The following ZNF69 variants were observed in gnomAD, a reference collection of about 807,000 sequenced individuals.
ZNF69 encodes zinc finger protein 69.
ZNF69 carries 47 observed loss-of-function variants against 50.9 expected under a neutral mutation model. The observed-to-expected ratio is 0.92, with a 90% CI of 0.73 to 1.18. The LOEUF (loss-of-function observed/expected upper bound fraction) is 1.18, where lower values mean the gene tolerates loss of function less well. ZNF69 is among the 50% of genes most tolerant of loss of function. ZNF69 has a pLI of 0.00. For missense variants in ZNF69, 717 were observed against 675.1 expected, an observed-to-expected ratio of 1.06 and a Z score of -0.69; for synonymous variants, 216 against 223.1, an observed-to-expected ratio of 0.97 and a Z score of 0.29.
chr19:11,897,600 C>CG (rs796449692), intron 1 of ZNF69, among the ~76,000 whole-genome samples: 11 of 147,592 alleles, frequency 7.5e-5, no homozygotes, highest in African/African-American at 2.7e-4. Flanking sequence ...GAGTCAGGTG[C>CG]GGTAGCTCAC....
At chr19:11,957,186 G>A in the ZNF69 span, among the ~76,000 whole-genome samples, 6 of 151,618 alleles carry the variant, frequency 4.0e-5, no homozygotes, top group Non-Finnish European at 5.9e-5. Flanking sequence ...CCACCTCCCG[G>A]TTTCATGCCA....
At chr19:11,960,422 G>C in the ZNF69 span, among the ~76,000 whole-genome samples, 1 of 152,128 alleles carries the variant, frequency 6.6e-6, no homozygotes, top group African/African-American at 2.4e-5. Flanking sequence ...TCCTAGGCTT[G>C]AGCAATCCTC....
chr19:11,907,226 T>G (rs1972391899), downstream of ZNF69, among the ~76,000 whole-genome samples: 1 of 151,920 alleles, frequency 6.6e-6, no homozygotes, highest in Non-Finnish European at 1.5e-5. Flanking sequence ...GTGACAGGGA[T>G]GGAACCAAGT....
chr19:11,922,656 C>T, the ZNF69 span, among the ~76,000 whole-genome samples: 1 of 50,476 alleles, frequency 2.0e-5, no homozygotes, highest in East Asian at 5.7e-4. Context: ...TTTCCATTGA[C>T]TGCAAGGAGG....
the ZNF69 span, among the ~76,000 whole-genome samples, chr19:11,974,114 TTTCTTTCTTTCTTTTCTTTC>T: frequency 5.0e-3 from 429 of 84,972 alleles, 4 homozygotes; most frequent in African/African-American, 0.015. Context: ...TCTTTCTTTC[TTTCTTTCTTTCTTTTCTTTC>T]TTTCTTTCTT....
the ZNF69 span, among the ~76,000 whole-genome samples, chr19:11,921,301 C>T: frequency 2.0e-5 from 3 of 152,072 alleles, no homozygotes; most frequent in Admixed American, 2.0e-4. Flanking sequence ...TCCCAAGTAG[C>T]TGGGAATAAA....
At chr19:11,977,104 T>G in the ZNF69 span, 1 of 1,614,170 alleles carries the variant, frequency 6.2e-7, no homozygotes, top group Non-Finnish European at 8.5e-7. Flanking sequence ...GCTGGATATT[T>G]CGCAGAGGAA....
the ZNF69 span, among the ~76,000 whole-genome samples, chr19:11,958,349 T>G: frequency 6.6e-6 from 1 of 152,114 alleles, no homozygotes; most frequent in Non-Finnish European, 1.5e-5. Context: ...TGGCATCTGC[T>G]GAGTGGGGCT....
the ZNF69 span, among the ~76,000 whole-genome samples, chr19:11,940,484 A>C: frequency 2.0e-5 from 3 of 151,536 alleles, no homozygotes; most frequent in Admixed American, 2.0e-4. Context: ...AACAGCTCTT[A>C]AGGCAGCGCG....
At chr19:11,978,585 A>T in the ZNF69 span, 8 of 1,614,066 alleles carry the variant, frequency 5.0e-6, no homozygotes, top group African/African-American at 1.1e-4. Context: ...CCATGAAAGA[A>T]CTCACACTGG....
At chr19:11,900,775 C>G (rs279203) in intron 1 of ZNF69, among the ~76,000 whole-genome samples, 137,025 of 152,236 alleles carry the variant, frequency 0.9, 61,984 homozygotes, top group African/African-American at 0.97. Context: ...TCTGCTGCCT[C>G]TCTTTTTCTT....
At chr19:11,978,362 T>C in the ZNF69 span, 1 of 1,613,986 alleles carries the variant, frequency 6.2e-7, no homozygotes, top group Non-Finnish European at 8.5e-7. Context: ...CATATAAGTG[T>C]CAACAACCTA....
At chr19:11,933,671 T>C in the ZNF69 span, among the ~76,000 whole-genome samples, 1 of 147,964 alleles carries the variant, frequency 6.8e-6, no homozygotes, top group African/African-American at 2.7e-5. Flanking sequence ...AAAATATGCA[T>C]TGAAGGTCTC....
chr19:11,897,259 A>G (rs1972142586), intron 1 of ZNF69, among the ~76,000 whole-genome samples: 1 of 152,230 alleles, frequency 6.6e-6, no homozygotes, highest in South Asian at 2.1e-4. Context: ...AGGCAGGAGA[A>G]TCACTTGAAC....
chr19:11,889,576 T>C (rs1977031769), intron 1 of ZNF69, among the ~76,000 whole-genome samples: 1 of 152,188 alleles, frequency 6.6e-6, no homozygotes, highest in African/African-American at 2.4e-5. Context: ...AGCAATTCTC[T>C]AGCCTCAGCC....
the ZNF69 span, among the ~76,000 whole-genome samples, chr19:11,977,687 C>A: frequency 2.6e-5 from 4 of 152,138 alleles, no homozygotes; most frequent in African/African-American, 2.4e-5. Context: ...AATGAGACCA[C>A]AAATCAACAA....
the ZNF69 span, among the ~76,000 whole-genome samples, chr19:11,921,990 A>C: frequency 6.6e-6 from 1 of 152,222 alleles, no homozygotes; most frequent in Non-Finnish European, 1.5e-5. Context: ...GGTTAAAAAG[A>C]AAAAAGAAAA....
downstream of ZNF69, among the ~76,000 whole-genome samples, chr19:11,918,959 G>A (rs182781212): frequency 2.0e-3 from 304 of 150,218 alleles, 4 homozygotes; most frequent in Middle Eastern, 0.01. Flanking sequence ...GCAGTGGTGC[G>A]ATCTCCGCTC....
the ZNF69 span, chr19:11,979,706 C>T: frequency 2.5e-6 from 4 of 1,600,330 alleles, no homozygotes; most frequent in Non-Finnish European, 3.4e-6. Flanking sequence ...TGAAGAGAAG[C>T]CCTACGAGTG....
Sources: allele counts gnomAD v4.1 joint callset (sites outside exome capture counted in the v4.1 genomes callset), GRCh38; gene constraint gnomAD v4.1.1; transcripts MANE v1.5; gene names NCBI Gene and HGNC (gene_info 2026-07-23, HGNC 2026-07-21).